Variants in RASA2 observed in about 807,000 individuals in gnomAD.
RASA2 encodes the protein RAS p21 protein activator 2.
RASA2 carries 155 observed loss-of-function variants against 118.2 expected under a neutral mutation model. That is an observed-to-expected ratio of 1.31 (90% CI 1.15 to 1.50). RASA2 has a LOEUF of 1.50. Among genes scored for constraint, RASA2 ranks in the 40% most tolerant of loss-of-function variants. The probability of loss-of-function intolerance (pLI) is 0.00; values close to 1 mark genes in which losing one functional copy is unlikely to be tolerated. For missense variants in RASA2, 1,016 were observed against 1,009.6 expected, an observed-to-expected ratio of 1.01 and a Z score of -0.09; for synonymous variants, 353 against 349.1, an observed-to-expected ratio of 1.01 and a Z score of -0.12.
intron 21 of RASA2, among the ~76,000 whole-genome samples, chr3:141,609,198 A>G (rs2083596790): frequency 6.6e-6 from 1 of 152,188 alleles, no homozygotes; most frequent in South Asian, 2.1e-4. Context: ...AGGTTGTGGA[A>G]ATGATTTTAC....
rs1242774457 is a variant in RASA2 at position 141,613,721 on chromosome 3, TTGG to T, written c.*1412_*1414del. 6.6e-6 allele frequency: 1 copy of T among 152,232 alleles called. No individual in the cohort carries two copies. Among genetic ancestry groups the T allele is most frequent in the African/African-American group, 2.4e-5 (1 of 41,462 alleles). The allele number at this position is 152,232 out of a possible 1,614,324, so 9.4% of individuals were successfully genotyped here. A position where few individuals can be genotyped will look rare whatever the true frequency, so the allele number is the denominator to read the frequency against. On this transcript the variant is annotated 3_prime_UTR_variant, in exon 24 of 24. Coordinates refer to ENST00000286364, the MANE Select transcript of RASA2 (RefSeq NM_006506.5). ...AAGATATACTTTGCCAATTTTGTTA[TTGG>T]TGGGTAATCATTTTTAAATTATATT...
At position 141,588,270 on chromosome 3, in the gene RASA2, G is replaced by A. The variant is rs572611942; in HGVS notation, c.1933+1518G>A. 3.9e-5 allele frequency among the ~76,000 whole-genome samples: 6 copies of A among 152,210 alleles called. No individual in the cohort carries two copies. The South Asian group carries it at 1.2e-3, about 32-fold the overall frequency. The stretch of plus-strand genomic sequence containing the variant: ...ATAAGTAATAAACCTCTTGGTAGTG[G>A]GCACTTACTTTGTCTCTTTACATAA... On this transcript the variant is annotated intron_variant, in intron 19 of 23. Coordinates refer to ENST00000286364, the MANE Select transcript of RASA2 (RefSeq NM_006506.5).
At chr3:141,596,672 A>C (rs947392714) in intron 19 of RASA2, among the ~76,000 whole-genome samples, 2 of 152,224 alleles carry the variant, frequency 1.3e-5, no homozygotes, top group African/African-American at 4.8e-5. Context: ...GAGATTATAC[A>C]AGTGGATAAT....
At chr3:141,607,652 T>A (rs1257525375) in intron 19 of RASA2, 26 bp from the exon 20 acceptor site, 1 of 1,551,216 alleles carries the variant, frequency 6.4e-7, no homozygotes, top group African/African-American at 1.4e-5. Flanking sequence ...TTACTTTAAT[T>A]TTGTTTTACT....
chr3:141,496,204 C>T (rs1488510064), intron 1 of RASA2, among the ~76,000 whole-genome samples: 1 of 152,110 alleles, frequency 6.6e-6, no homozygotes, highest in East Asian at 1.9e-4. Flanking sequence ...AGACCTAAAA[C>T]CGTAAAAACC....
intron 19 of RASA2, among the ~76,000 whole-genome samples, chr3:141,594,571 GT>G (rs2083338556): frequency 6.6e-6 from 1 of 152,110 alleles, no homozygotes; most frequent in South Asian, 2.1e-4. Context: ...CAACAGTACA[GT>G]TGACAGCCAA....
chr3:141,540,109 T>A (rs1013527671), intron 4 of RASA2, among the ~76,000 whole-genome samples: 1 of 152,078 alleles, frequency 6.6e-6, no homozygotes, highest in South Asian at 2.1e-4. Context: ...GTAACTTAGT[T>A]TTTAGTTGTT....
chr3:141,603,296 C>A (rs1258013877), intron 19 of RASA2, among the ~76,000 whole-genome samples: 1 of 152,106 alleles, frequency 6.6e-6, no homozygotes, highest in Non-Finnish European at 1.5e-5. Context: ...TTAGGCCAGG[C>A]ACAGTGGTTC....
chr3:141,498,786 T>G (rs2081738464), intron 1 of RASA2, among the ~76,000 whole-genome samples: 1 of 152,174 alleles, frequency 6.6e-6, no homozygotes, highest in South Asian at 2.1e-4. Context: ...CTTTTTGCCT[T>G]CCTTTTGTTT....
At chr3:141,602,040 T>C (rs533768179) in intron 19 of RASA2, among the ~76,000 whole-genome samples, 5 of 152,360 alleles carry the variant, frequency 3.3e-5, no homozygotes, top group African/African-American at 1.2e-4. Flanking sequence ...TATATTTTTA[T>C]TGAATTATTT....
In RASA2 at chr3:141,559,930, T is replaced by G. The variant is rs753830994; in HGVS notation, c.798T>G (p.Asp266Glu). 4 of 1,613,208 alleles carry G rather than the reference T, an allele frequency of 2.5e-6. No individual in the cohort carries two copies. Among genetic ancestry groups the G allele is most frequent in the Non-Finnish European group, 3.4e-6 (4 of 1,179,464 alleles). ...GGAACAATGGAAACCTAGTCCAAGA[T>G]GTTTTCCTAGGTGAGATTAAGGTTC... is the stretch of plus-strand genomic sequence containing the variant. ...DLWNNGNLVQ[D>E]VFLGEIKVPV... is the part of the protein sequence containing the mutation. Residue 266 changes from aspartate to glutamate, a missense_variant, in exon 9 of 24, where the codon GAT becomes GAG. This residue lies in a region of RASA2 where 896 missense variants were observed against 836.4 expected (regional missense o/e 1.07). Coordinates refer to ENST00000286364, the MANE Select transcript of RASA2 (RefSeq NM_006506.5).
chr3:141,553,029 G>T (rs1294042957), intron 5 of RASA2, among the ~76,000 whole-genome samples: 6 of 152,184 alleles, frequency 3.9e-5, no homozygotes, highest in Non-Finnish European at 8.8e-5. Context: ...GTGAGCCATG[G>T]AGTAGATTAG....
chr3:141,573,103 G>T, intron 12 of RASA2, 44 bp from the exon 13 acceptor site: 1 of 1,457,276 alleles, frequency 6.9e-7, no homozygotes, highest in South Asian at 1.3e-5. Flanking sequence ...CATTTTGTCA[G>T]ACTACTTAGA....
chr3:141,532,340 C>G (rs1267786961), intron 4 of RASA2, among the ~76,000 whole-genome samples: 1 of 152,052 alleles, frequency 6.6e-6, no homozygotes, highest in African/African-American at 2.4e-5. Context: ...AGGAGTATCA[C>G]TTAAGTAACA....
intron 19 of RASA2, chr3:141,600,369 C>T (rs1028631786): frequency 2.2e-5 from 11 of 500,878 alleles, no homozygotes; most frequent in South Asian, 1.5e-4. Context: ...GGGTTCTTGT[C>T]GGAGGTGTCA....
intron 5 of RASA2, among the ~76,000 whole-genome samples, chr3:141,543,876 CTTTTTT>C (rs529631210): frequency 0.053 from 6,221 of 117,348 alleles, 395 homozygotes; most frequent in African/African-American, 0.19. Flanking sequence ...TTTCTTTTTT[CTTTTTT>C]TTTTTTTTTT....
At chr3:141,487,624 T>A (rs1025522825) in intron 1 of RASA2, among the ~76,000 whole-genome samples, 1 of 149,120 alleles carries the variant, frequency 6.7e-6, no homozygotes, top group Admixed American at 6.6e-5. Flanking sequence ...CGCTGGGGAG[T>A]GGCCCCGCGG....
chr3:141,545,281 C>T (rs1013076523), intron 5 of RASA2, among the ~76,000 whole-genome samples: 34 of 151,936 alleles, frequency 2.2e-4, no homozygotes, highest in African/African-American at 8.0e-4. Context: ...ATACCTGAGA[C>T]TGGGTAATTT....
At chr3:141,598,046 CT>C (rs1419779657) in intron 19 of RASA2, among the ~76,000 whole-genome samples, 1 of 152,102 alleles carries the variant, frequency 6.6e-6, no homozygotes, top group Admixed American at 6.6e-5. Flanking sequence ...TGTATCTCTG[CT>C]TGTGATGAAA....
Sources: gnomAD v4.1 joint callset for allele counts (sites outside exome capture counted in the v4.1 genomes callset) on GRCh38, gnomAD v4.1.1 for gene constraint, gnomAD v4.1.1 regional missense constraint, MANE v1.5 for transcripts, NCBI Gene and HGNC (gene_info 2026-07-23, HGNC 2026-07-21) for gene names.